The following DPP10 variants were observed in gnomAD, a reference collection of about 807,000 sequenced individuals.
The protein encoded by DPP10 is dipeptidyl peptidase like 10.
In DPP10, 33 loss-of-function variants were observed where a neutral mutation model predicts 120.9. That is an observed-to-expected ratio of 0.27 (90% CI 0.21 to 0.37). The LOEUF is 0.37. DPP10 is among the 10% of genes least tolerant of loss of function. DPP10 has a pLI of 1.00. For synonymous variants in DPP10, 337 were observed against 326.1 expected, an observed-to-expected ratio of 1.03 and a Z score of -0.36; for missense variants, 816 against 942.8, an observed-to-expected ratio of 0.87 and a Z score of 1.76.
intron 1 of DPP10, among the ~76,000 whole-genome samples, chr2:115,016,676 T>C (rs1573316238): frequency 6.6e-6 from 1 of 151,008 alleles, no homozygotes; most frequent in Non-Finnish European, 1.5e-5. Context: ...AAACAACCCA[T>C]CAACAAGTGG....
intron 1 of DPP10, among the ~76,000 whole-genome samples, chr2:114,478,229 G>T (rs114934733): frequency 0.024 from 3,632 of 152,136 alleles, 133 homozygotes; most frequent in African/African-American, 0.081. Context: ...GTGTGATCAA[G>T]TGAGATTTAT....
At chr2:114,705,211 T>C (rs936540896) in intron 1 of DPP10, among the ~76,000 whole-genome samples, 6 of 152,154 alleles carry the variant, frequency 3.9e-5, no homozygotes, top group East Asian at 3.9e-4. Context: ...TGGAGAGCCA[T>C]GACTTTGTCA....
intron 1 of DPP10, among the ~76,000 whole-genome samples, chr2:114,989,290 A>G (rs1178525308): frequency 6.6e-6 from 1 of 152,086 alleles, no homozygotes; most frequent in Non-Finnish European, 1.5e-5. Context: ...TTATGAATTT[A>G]TTTACTTCCC....
chr2:114,903,242 A>G (rs893012812), intron 1 of DPP10, among the ~76,000 whole-genome samples: 2 of 152,208 alleles, frequency 1.3e-5, no homozygotes, highest in East Asian at 1.9e-4. Flanking sequence ...GTAATTATGA[A>G]TAAAGCTGCT....
At chr2:114,472,339 T>A (rs1041799038) in intron 1 of DPP10, among the ~76,000 whole-genome samples, 6 of 152,208 alleles carry the variant, frequency 3.9e-5, no homozygotes, top group Admixed American at 1.3e-4. Context: ...GAGGAGCCAC[T>A]TCTGGATGGT....
intron 1 of DPP10, chr2:115,050,211 T>G (rs1336659431): frequency 6.6e-6 from 1 of 152,200 alleles, no homozygotes; most frequent in Non-Finnish European, 1.5e-5. Flanking sequence ...AAATACCTAC[T>G]GAATCTTGGT....
intron 24 of DPP10, 115 bp downstream of exon 24, chr2:115,836,861 G>A (rs569674407): frequency 3.5e-6 from 3 of 865,058 alleles, no homozygotes; most frequent in Admixed American, 2.6e-5. Context: ...GGAGCAGAGA[G>A]TCACACAAAG....
chr2:115,377,995 C>A (rs1478559621), intron 3 of DPP10, among the ~76,000 whole-genome samples: 1 of 151,718 alleles, frequency 6.6e-6, no homozygotes, highest in Non-Finnish European at 1.5e-5. Flanking sequence ...GTGATGCCTC[C>A]AGCTTTGTTC....
At chr2:114,877,588 C>G (rs181628811) in intron 1 of DPP10, among the ~76,000 whole-genome samples, 2 of 152,070 alleles carry the variant, frequency 1.3e-5, no homozygotes, top group Non-Finnish European at 2.9e-5. Context: ...CAGTGAACGG[C>G]GGACACACAC....
At chr2:115,360,872 G>A (rs924131323) in intron 3 of DPP10, among the ~76,000 whole-genome samples, 2 of 152,176 alleles carry the variant, frequency 1.3e-5, no homozygotes, top group African/African-American at 2.4e-5. Context: ...AGGATCCCAG[G>A]AAGGGCAGTG....
At chr2:115,441,581 A>G (rs1436066839) in intron 3 of DPP10, among the ~76,000 whole-genome samples, 3 of 152,072 alleles carry the variant, frequency 2.0e-5, no homozygotes, top group African/African-American at 7.2e-5. Flanking sequence ...AATATTACTT[A>G]CCTGTCTCAA....
intron 3 of DPP10, among the ~76,000 whole-genome samples, chr2:115,381,880 G>T (rs1005334418): frequency 7.9e-5 from 12 of 151,984 alleles, no homozygotes; most frequent in Admixed American, 2.0e-4. Flanking sequence ...TCAGGGGTCA[G>T]GGACCCACTT....
chr2:115,330,048 C>T (rs1487032988), intron 2 of DPP10, among the ~76,000 whole-genome samples: 1 of 152,058 alleles, frequency 6.6e-6, no homozygotes, highest in Admixed American at 6.6e-5. Flanking sequence ...GTTTGCAGTC[C>T]CACCAACAGT....
intron 1 of DPP10, among the ~76,000 whole-genome samples, chr2:114,924,488 T>C (rs1695447682): frequency 6.7e-6 from 1 of 149,792 alleles, no homozygotes; most frequent in Admixed American, 6.7e-5. Context: ...GATTGCACAC[T>C]GCACTCCAGC....
intron 1 of DPP10, among the ~76,000 whole-genome samples, chr2:115,224,134 G>C (rs1351973330): frequency 1.3e-5 from 2 of 152,086 alleles, no homozygotes; most frequent in East Asian, 3.9e-4. Flanking sequence ...AGATTAGTGA[G>C]TGTAAAGTTA....
intron 1 of DPP10, among the ~76,000 whole-genome samples, chr2:114,639,538 C>T (rs1442511643): frequency 6.6e-6 from 1 of 151,878 alleles, no homozygotes; most frequent in Non-Finnish European, 1.5e-5. Context: ...TGAAAAACTA[C>T]TTATTGAGTA....
chr2:114,849,425 C>G (rs763583363), intron 1 of DPP10, among the ~76,000 whole-genome samples: 32 of 152,234 alleles, frequency 2.1e-4, no homozygotes, highest in Non-Finnish European at 4.1e-4. Flanking sequence ...TCATGGCTCA[C>G]GGCAGCCTCA....
intron 1 of DPP10, among the ~76,000 whole-genome samples, chr2:114,955,142 C>T (rs1294096518): frequency 6.6e-6 from 1 of 152,142 alleles, no homozygotes; most frequent in Admixed American, 6.5e-5. Flanking sequence ...GCTGGTTGCC[C>T]ATTTTTATGG....
At chr2:115,519,183 C>T (rs184089215) in intron 4 of DPP10, among the ~76,000 whole-genome samples, 93 of 151,784 alleles carry the variant, frequency 6.1e-4, no homozygotes, top group Middle Eastern at 3.4e-3. Flanking sequence ...CCACTTTCTG[C>T]GAAAAATAAA....
Sources: allele counts gnomAD v4.1 joint callset (sites outside exome capture counted in the v4.1 genomes callset), GRCh38; gene constraint gnomAD v4.1.1; transcripts MANE v1.5; gene names NCBI Gene and HGNC (gene_info 2026-07-23, HGNC 2026-07-21).